RSF1: variants seen among roughly 807,000 people sequenced by gnomAD.
RSF1 encodes remodeling and spacing factor 1.
Under a neutral mutation model 145.2 loss-of-function variants are expected in RSF1, and 13 were observed. That is an observed-to-expected ratio of 0.09 (90% CI 0.06 to 0.14). The LOEUF (loss-of-function observed/expected upper bound fraction) is 0.14, where lower values mean the gene tolerates loss of function less well. RSF1 is among the 10% of genes least tolerant of loss of function. The probability of loss-of-function intolerance (pLI) is 1.00; values close to 1 mark genes in which losing one functional copy is unlikely to be tolerated. For missense variants in RSF1, 1,517 were observed against 1,718.2 expected (o/e 0.88, Z 2.07); for synonymous variants, 577 against 592.6 (o/e 0.97, Z 0.38).
chr11:77,841,701 G>T, the RSF1 span, among the ~76,000 whole-genome samples: 1 of 152,134 alleles, frequency 6.6e-6, no homozygotes, highest in African/African-American at 2.4e-5. Flanking sequence ...GCAGCCTCTG[G>T]TCCACTTGGG....
chr11:77,669,805 C>T (rs554747970), intron 15 of RSF1, among the ~76,000 whole-genome samples: 2 of 152,274 alleles, frequency 1.3e-5, no homozygotes, highest in Admixed American at 6.5e-5. Flanking sequence ...AATATGTAAA[C>T]AAATTGGTAT....
rs1485679980 is a variant in RSF1 at position 77,660,589 on chromosome 11, TA to T, written c.*6327del. On this transcript the variant is annotated 3_prime_UTR_variant, in exon 16 of 16. Coordinates refer to ENST00000308488, the MANE Select transcript of RSF1 (RefSeq NM_016578.4). ...ACATTCTGAGAACCTATTCCAGGAA[TA>T]TTTTTTTTAACGCATAGGAAAATAA... 3 of 152,288 alleles carry T rather than the reference TA, an allele frequency of 2.0e-5. No homozygotes were observed. Among genetic ancestry groups the T allele is most frequent in the East Asian group, 1.9e-4 (1 of 5,190 alleles). The allele number at this position is 152,288 out of a possible 1,614,324, so 9.4% of individuals were successfully genotyped here. A position where few individuals can be genotyped will look rare whatever the true frequency, so the allele number is the denominator to read the frequency against.
chr11:77,784,535 T>C (rs1948435605), intron 1 of RSF1, among the ~76,000 whole-genome samples: 2 of 152,120 alleles, frequency 1.3e-5, no homozygotes, highest in South Asian at 2.1e-4. Context: ...AGCTAGTAAT[T>C]TGAGCCATAT....
intron 5 of RSF1, among the ~76,000 whole-genome samples, chr11:77,705,624 C>T (rs1960529857): frequency 6.6e-6 from 1 of 152,132 alleles, no homozygotes; most frequent in African/African-American, 2.4e-5. Flanking sequence ...TCATGTGATC[C>T]AGTTATGACC....
intron 11 of RSF1, among the ~76,000 whole-genome samples, chr11:77,680,026 T>C (rs1435169063): frequency 6.6e-6 from 1 of 152,226 alleles, no homozygotes. Context: ...AAGTATTCAA[T>C]AGTCACATAT....
chr11:77,837,234 C>T, the RSF1 span, among the ~76,000 whole-genome samples: 1 of 149,756 alleles, frequency 6.7e-6, no homozygotes, highest in African/African-American at 2.5e-5. Flanking sequence ...CTCCCAGGTT[C>T]AAATGATTCT....
the RSF1 span, chr11:77,830,165 T>C: frequency 2.6e-5 from 4 of 152,106 alleles, no homozygotes; most frequent in Non-Finnish European, 5.9e-5. Flanking sequence ...AAAGACAACC[T>C]ACAAAATAGG....
At chr11:77,781,084 C>A (rs1235137624) in intron 1 of RSF1, among the ~76,000 whole-genome samples, 1 of 150,740 alleles carries the variant, frequency 6.6e-6, no homozygotes, top group African/African-American at 2.5e-5. Flanking sequence ...CAATCATTGG[C>A]TGATGAATGT....
the RSF1 span, among the ~76,000 whole-genome samples, chr11:77,837,432 G>A: frequency 7.6e-5 from 11 of 145,382 alleles, 1 homozygote; most frequent in South Asian, 2.0e-3. Context: ...CACTGCGCCC[G>A]TCCCTTTGGT....
At chr11:77,868,165 C>T in the RSF1 span, among the ~76,000 whole-genome samples, 1 of 150,868 alleles carries the variant, frequency 6.6e-6, no homozygotes, top group African/African-American at 2.4e-5. Context: ...ACGCCATTCT[C>T]CTGCCTCAGC....
intron 8 of RSF1, among the ~76,000 whole-genome samples, chr11:77,692,765 T>G (rs1386530261): frequency 6.7e-6 from 1 of 149,750 alleles, no homozygotes; most frequent in Non-Finnish European, 1.5e-5. Context: ...GCAACCTCTG[T>G]CTCCCGGGTT....
intron 5 of RSF1, among the ~76,000 whole-genome samples, chr11:77,707,903 A>G (rs1484272552): frequency 6.6e-6 from 1 of 152,236 alleles, no homozygotes; most frequent in East Asian, 1.9e-4. Context: ...TAAGCCAATA[A>G]ATCTGTAACC....
chr11:77,784,746 T>C (rs747312073), intron 1 of RSF1, among the ~76,000 whole-genome samples: 78 of 152,324 alleles, frequency 5.1e-4, no homozygotes, highest in Admixed American at 1.7e-3. Context: ...GGGTTCTCCA[T>C]TGAATGCCCT....
At chr11:77,825,505 A>C (rs1418932853), upstream of RSF1, among the ~76,000 whole-genome samples, 1 of 152,194 alleles carries the variant, frequency 6.6e-6, no homozygotes, top group Non-Finnish European at 1.5e-5. Flanking sequence ...AAGTGTCAAC[A>C]GAAATAGGAA....
chr11:77,698,686 G>A lies in RSF1; in HGVS notation c.2516C>T (p.Pro839Leu), dbSNP rs151317252. Residue 839 changes from proline to leucine, a missense_variant, in exon 7 of 16, where the codon CCC becomes CTC. Physicochemically the swap from Pro to Leu is moderately conservative, Grantham distance 98. Coordinates refer to ENST00000308488, the MANE Select transcript of RSF1 (RefSeq NM_016578.4). Reference protein sequence around the residue: ...DTNSKVSKVKPKGKVRWTGSR... With the variant: ...DTNSKVSKVKLKGKVRWTGSR... ...ACCAGTCCATCGAACTTTGCCTTTG[G>A]GTTTTACCTTGTATAAAATAAAAAA... The A allele has an allele frequency of 1.2e-6, 2 of 1,613,318 alleles. No homozygotes were observed. Among genetic ancestry groups the A allele is most frequent in the African/African-American group, 2.7e-5 (2 of 74,718 alleles).
rs1448692085 is a variant in RSF1, at chr11:77,662,736, G to A, written c.*4181C>T. Reference sequence around the variant, plus strand: ...ACTTTGGGAAAGGTAGATGATATAGGAATGGATTTTAATCTGAGAAGATTC... The same window carrying A: ...ACTTTGGGAAAGGTAGATGATATAGAAATGGATTTTAATCTGAGAAGATTC... On this transcript the variant is annotated 3_prime_UTR_variant, in exon 16 of 16. Transcript: ENST00000308488. 1 of 152,114 alleles carries A rather than the reference G, an allele frequency of 6.6e-6. No individual in the cohort carries two copies. Among genetic ancestry groups the A allele is most frequent in the African/African-American group, 2.4e-5 (1 of 41,426 alleles). 9.4% of individuals were successfully genotyped at this position (152,114 alleles called of 1,614,324 possible). A position where few individuals can be genotyped will look rare whatever the true frequency, so the allele number is the denominator to read the frequency against.
intron 2 of RSF1, among the ~76,000 whole-genome samples, chr11:77,749,393 T>C (rs1948036435): frequency 6.6e-6 from 1 of 152,100 alleles, no homozygotes; most frequent in Admixed American, 6.5e-5. Flanking sequence ...ACTTATTGAG[T>C]GCTCGGTTGA....
In RSF1 at chr11:77,820,555, G is replaced by A. The variant is rs1217237496; in HGVS notation, c.160C>T (p.Pro54Ser). The A allele has an allele frequency of 6.5e-7, 1 of 1,550,380 alleles. No individual in the cohort carries two copies. The highest frequency in any genetic ancestry group is 8.7e-7 in the Non-Finnish European group (1 of 1,147,918). Residue 54 changes from proline to serine, a missense_variant, in exon 1 of 16, where the codon CCG becomes TCG. This residue lies in a region of RSF1 where 85 missense variants were observed against 91.8 expected (regional missense o/e 0.93). Transcript: ENST00000308488. ...TCTCCGTTGCCGACGTCCGGCGGCG[G>A]CGCCTGCAGCACCCGCTCCAGCTCA... ...FPELERVLQAPPPDVGNGEVP... is the reference protein window; with the variant it reads ...FPELERVLQASPPDVGNGEVP...
chr11:77,848,114 A>C, the RSF1 span, among the ~76,000 whole-genome samples: 2 of 152,210 alleles, frequency 1.3e-5, no homozygotes, highest in Admixed American at 6.5e-5. Context: ...AAACCCAGAA[A>C]TAATATTTAA....
Sources: allele counts gnomAD v4.1 joint callset (sites outside exome capture counted in the v4.1 genomes callset), GRCh38; gene constraint gnomAD v4.1.1; regional missense constraint gnomAD v4.1.1; transcripts MANE v1.5; gene names NCBI Gene and HGNC (gene_info 2026-07-23, HGNC 2026-07-21).